TRPC1: variants seen among roughly 807,000 people sequenced by gnomAD.
TRPC1 encodes the protein transient receptor potential cation channel subfamily C member 1.
In TRPC1, 42 loss-of-function variants were observed where a neutral mutation model predicts 88.2. The ratio of observed to expected loss-of-function variants is 0.48; its 90% CI spans 0.37 to 0.62. The LOEUF is 0.62. Among genes scored for constraint, TRPC1 ranks in the 20% least tolerant of loss-of-function variants. The probability of loss-of-function intolerance (pLI) is 0.00; values close to 1 mark genes in which losing one functional copy is unlikely to be tolerated. For missense variants in TRPC1, 699 were observed against 957.3 expected, an observed-to-expected ratio of 0.73 and a Z score of 3.56; for synonymous variants, 288 against 331.8, an observed-to-expected ratio of 0.87 and a Z score of 1.43.
At chr3:142,731,281 G>A (rs1343086490) in intron 1 of TRPC1, among the ~76,000 whole-genome samples, 1 of 151,284 alleles carries the variant, frequency 6.6e-6, no homozygotes, top group East Asian at 1.9e-4. Flanking sequence ...GTCTAACTAA[G>A]TCCTATAGGG....
Position 142,777,746 on chromosome 3 carries a change from T to C in TRPC1, c.747T>C (p.Leu249=). The change falls in exon 5 of 13, where the codon CTT becomes CTC. Residue 249 remains leucine (L), a synonymous_variant. Transcript: ENST00000476941. ...GTGCTGATTTAAAAGAACTAAGTCTTGTGGAGGTGGAATTCAGGTGGGAAT... is the reference window on the plus strand; with the variant it reads ...GTGCTGATTTAAAAGAACTAAGTCTCGTGGAGGTGGAATTCAGGTGGGAAT... The part of the protein sequence containing the change: ...ELSADLKELS[L]VEVEFRNDYE... 1 of 1,609,724 alleles carries C rather than the reference T, an allele frequency of 6.2e-7. No individual in the cohort carries two copies. The highest frequency in any genetic ancestry group is 8.5e-7 in the Non-Finnish European group (1 of 1,177,414).
At chr3:142,733,351 A>C (rs1436913451) in intron 1 of TRPC1, among the ~76,000 whole-genome samples, 1 of 152,074 alleles carries the variant, frequency 6.6e-6, no homozygotes. Context: ...ATCTCTACTA[A>C]AAATACAAAA....
At position 142,806,279 on chromosome 3, in the gene TRPC1, C is replaced by T; in HGVS notation, c.*44C>T. On this transcript the variant is annotated 3_prime_UTR_variant, in exon 13 of 13. Transcript: ENST00000476941. Reference sequence around the variant, plus strand: ...AGCGAATAATTTTCAATAACAGATCCAAAAGACTATATTGCATAACTTGCA... The same window carrying T: ...AGCGAATAATTTTCAATAACAGATCTAAAAGACTATATTGCATAACTTGCA... The T allele has an allele frequency of 6.8e-7, 1 of 1,461,596 alleles. No homozygotes were observed. The highest frequency in any genetic ancestry group is 9.4e-7 in the Non-Finnish European group (1 of 1,060,648). The allele number at this position is 1,461,596 out of a possible 1,614,324, so 90.5% of individuals were successfully genotyped here. A position where few individuals can be genotyped will look rare whatever the true frequency, so the allele number is the denominator to read the frequency against.
chr3:142,771,864 T>G (rs1935591142), intron 4 of TRPC1, among the ~76,000 whole-genome samples: 1 of 152,206 alleles, frequency 6.6e-6, no homozygotes, highest in African/African-American at 2.4e-5. Context: ...GGTAGCAATA[T>G]ATTTTGTGAG....
chr3:142,761,374 A>G (rs188071591), intron 4 of TRPC1, among the ~76,000 whole-genome samples: 1 of 152,284 alleles, frequency 6.6e-6, no homozygotes, highest in East Asian at 1.9e-4. Flanking sequence ...TATCATGTCT[A>G]TTGATACATA....
intron 1 of TRPC1, among the ~76,000 whole-genome samples, chr3:142,731,406 A>T (rs1933904202): frequency 2.9e-5 from 3 of 103,264 alleles, no homozygotes; most frequent in African/African-American, 4.1e-5. Flanking sequence ...TTTTTTTGAG[A>T]CCGAGTCTCG....
At chr3:142,728,209 G>T (rs1233973259) in intron 1 of TRPC1, among the ~76,000 whole-genome samples, 1 of 152,112 alleles carries the variant, frequency 6.6e-6, no homozygotes, top group Non-Finnish European at 1.5e-5. Flanking sequence ...CATGGGGTTA[G>T]GGGGAGGGAT....
chr3:142,787,330 G>A (rs1383689046), intron 7 of TRPC1, among the ~76,000 whole-genome samples: 1 of 152,086 alleles, frequency 6.6e-6, no homozygotes, highest in Non-Finnish European at 1.5e-5. Flanking sequence ...GGAATATTTT[G>A]CTTGCTTGCC....
At chr3:142,804,408 T>G (rs1355328825) in intron 11 of TRPC1, 28 bp from the exon 12 acceptor site, 1 of 1,574,906 alleles carries the variant, frequency 6.3e-7, no homozygotes, top group South Asian at 1.2e-5. Context: ...AATATTCTAG[T>G]TTGCTTTTTA....
At chr3:142,772,853 A>G (rs1935624765) in intron 4 of TRPC1, among the ~76,000 whole-genome samples, 1 of 152,110 alleles carries the variant, frequency 6.6e-6, no homozygotes, top group Non-Finnish European at 1.5e-5. Flanking sequence ...AGAAATGAAG[A>G]TATTGGCAAG....
At chr3:142,805,138 A>G (rs1285738005) in intron 12 of TRPC1, among the ~76,000 whole-genome samples, 9 of 121,410 alleles carry the variant, frequency 7.4e-5, no homozygotes, top group Admixed American at 7.5e-5. Flanking sequence ...ATACACACAC[A>G]CACACACACA....
At position 142,807,536 on chromosome 3, in the gene TRPC1, T is replaced by C. The variant is rs1173383656; in HGVS notation, c.*1301T>C. The C allele has an allele frequency of 6.6e-6, 1 of 152,230 alleles. No homozygotes were observed. The highest frequency in any genetic ancestry group is 2.4e-5 in the African/African-American group (1 of 41,464). 9.4% of individuals were successfully genotyped at this position (152,230 alleles called of 1,614,324 possible). The stretch of plus-strand genomic sequence containing the variant: ...CACAGGGTGCAGGTAACCCTTGGTC[T>C]GTAAGCACCACCGATCCAGGGATCA... On this transcript the variant is annotated 3_prime_UTR_variant, in exon 13 of 13. Coordinates refer to ENST00000476941, the MANE Select transcript of TRPC1 (RefSeq NM_001251845.2).
chr3:142,795,949 C>T (rs921844050), intron 9 of TRPC1, among the ~76,000 whole-genome samples: 7 of 151,920 alleles, frequency 4.6e-5, no homozygotes, highest in South Asian at 4.2e-4. Context: ...AAAGAAAAAA[C>T]GACATGAAGA....
intron 2 of TRPC1, among the ~76,000 whole-genome samples, chr3:142,738,242 T>C (rs750235536): frequency 6.6e-6 from 1 of 152,222 alleles, no homozygotes; most frequent in Non-Finnish European, 1.5e-5. Context: ...GCAAATCTCA[T>C]GCTCTTTCTA....
chr3:142,727,449 G>A (rs1400381686), intron 1 of TRPC1, among the ~76,000 whole-genome samples: 2 of 152,304 alleles, frequency 1.3e-5, no homozygotes, highest in Non-Finnish European at 1.5e-5. Context: ...TACAATAAAT[G>A]TAGGAAAGAG....
At chr3:142,734,498 A>G (rs565942162) in intron 1 of TRPC1, among the ~76,000 whole-genome samples, 1 of 152,314 alleles carries the variant, frequency 6.6e-6, no homozygotes, top group South Asian at 2.1e-4. Flanking sequence ...GGAAATCTTG[A>G]GAGACACAGA....
intron 1 of TRPC1, among the ~76,000 whole-genome samples, chr3:142,731,306 G>A (rs1006000159): frequency 3.3e-5 from 5 of 150,100 alleles, no homozygotes; most frequent in African/African-American, 9.8e-5. Context: ...GTAGGCCACA[G>A]TAGAAATTTG....
chr3:142,754,951 C>A (rs928995112), intron 4 of TRPC1, among the ~76,000 whole-genome samples: 1 of 152,144 alleles, frequency 6.6e-6, no homozygotes, highest in African/African-American at 2.4e-5. Context: ...AATAATATAG[C>A]CTGTAAGATT....
rs1400111848 is a variant in TRPC1, at chr3:142,807,248, C to T, written c.*1013C>T. On this transcript the variant is annotated 3_prime_UTR_variant, in exon 13 of 13. Transcript: ENST00000476941. ...GGACTAAGGTTCTTGAGCTTATCTC[C>T]CAAGGTACTTTCCATAATTTAACAC... 1.3e-5 allele frequency: 2 copies of T among 151,990 alleles called. No homozygotes were observed. Among genetic ancestry groups the T allele is most frequent in the African/African-American group, 4.8e-5 (2 of 41,376 alleles). 9.4% of individuals were successfully genotyped at this position (151,990 alleles called of 1,614,324 possible).
Sources: allele counts gnomAD v4.1 joint callset (sites outside exome capture counted in the v4.1 genomes callset), GRCh38; gene constraint gnomAD v4.1.1; transcripts MANE v1.5; gene names NCBI Gene and HGNC (gene_info 2026-07-23, HGNC 2026-07-21).